Variants in DOCK3 observed in about 807,000 individuals in gnomAD.
DOCK3 encodes dedicator of cytokinesis 3.
Under a neutral mutation model 265.6 loss-of-function variants are expected in DOCK3, and 60 were observed. That is an observed-to-expected ratio of 0.23 (90% CI 0.18 to 0.28). The LOEUF is 0.28. DOCK3 is among the 10% of genes least tolerant of loss of function. The pLI is 1.00. For missense variants in DOCK3, 1,981 were observed against 2,594.3 expected, an observed-to-expected ratio of 0.76 and a Z score of 5.14; for synonymous variants, 881 against 938.0, an observed-to-expected ratio of 0.94 and a Z score of 1.11.
intron 9 of DOCK3, among the ~76,000 whole-genome samples, chr3:51,126,363 A>T (rs899210331): frequency 6.6e-6 from 1 of 152,196 alleles, no homozygotes; most frequent in Non-Finnish European, 1.5e-5. Flanking sequence ...CTTTTTTGGC[A>T]TCGGGGGCCA....
At chr3:51,312,625 G>A in intron 30 of DOCK3, 49 bp downstream of exon 30, 1 of 1,493,376 alleles carries the variant, frequency 6.7e-7, no homozygotes, top group African/African-American at 1.4e-5. Context: ...GCCAAATAGG[G>A]CTATGTTTCG....
chr3:50,970,939 ATATATAT>A (rs2077205106), intron 5 of DOCK3, among the ~76,000 whole-genome samples: 1 of 72,248 alleles, frequency 1.4e-5, no homozygotes, highest in African/African-American at 6.2e-5. Flanking sequence ...ATATATATAT[ATATATAT>A]AATGTGTGTG....
At chr3:51,275,289 C>G in intron 25 of DOCK3, 83 bp downstream of exon 25, 1 of 1,577,678 alleles carries the variant, frequency 6.3e-7, no homozygotes, top group Non-Finnish European at 8.6e-7. Flanking sequence ...CAACAAAGAT[C>G]GCTTTGTACA....
chr3:50,771,677 C>A (rs1368398074), intron 1 of DOCK3, among the ~76,000 whole-genome samples: 1 of 152,068 alleles, frequency 6.6e-6, no homozygotes, highest in Non-Finnish European at 1.5e-5. Context: ...TGGTGAAACA[C>A]CATCTCTACT....
At chr3:50,834,472 T>C (rs2045384902) in intron 2 of DOCK3, among the ~76,000 whole-genome samples, 1 of 152,134 alleles carries the variant, frequency 6.6e-6, no homozygotes, top group African/African-American at 2.4e-5. Flanking sequence ...CACATACCAA[T>C]AATATTTACA....
intron 32 of DOCK3, among the ~76,000 whole-genome samples, chr3:51,318,580 T>C (rs898710633): frequency 1.3e-5 from 2 of 152,180 alleles, no homozygotes. Flanking sequence ...CTGAATGATG[T>C]TGATTCCTTG....
At chr3:51,295,827 A>G (rs1295205632) in intron 27 of DOCK3, among the ~76,000 whole-genome samples, 1 of 152,128 alleles carries the variant, frequency 6.6e-6, no homozygotes, top group African/African-American at 2.4e-5. Context: ...AAGTGAAACT[A>G]TCTCTATTCA....
intron 4 of DOCK3, among the ~76,000 whole-genome samples, chr3:50,933,706 T>C (rs577356717): frequency 6.6e-6 from 1 of 152,260 alleles, no homozygotes; most frequent in African/African-American, 2.4e-5. Context: ...GGAAAAAAGC[T>C]TAGAGTCTGT....
intron 1 of DOCK3, among the ~76,000 whole-genome samples, chr3:50,750,620 G>T (rs913402279): frequency 6.6e-6 from 1 of 152,078 alleles, no homozygotes; most frequent in Non-Finnish European, 1.5e-5. Flanking sequence ...GAGCTACCGC[G>T]CCTGGCCTAC....
At chr3:51,055,962 A>G (rs1020167180) in intron 5 of DOCK3, among the ~76,000 whole-genome samples, 2 of 152,226 alleles carry the variant, frequency 1.3e-5, no homozygotes, top group African/African-American at 2.4e-5. Flanking sequence ...GGATGATATC[A>G]TGGCCCTTGA....
At chr3:50,960,504 A>G (rs1250701483) in intron 5 of DOCK3, among the ~76,000 whole-genome samples, 1 of 152,088 alleles carries the variant, frequency 6.6e-6, no homozygotes, top group African/African-American at 2.4e-5. Context: ...TTTCTTGGTG[A>G]AATGTCTACT....
intron 1 of DOCK3, among the ~76,000 whole-genome samples, chr3:50,749,954 C>T (rs1309350820): frequency 6.6e-6 from 1 of 152,182 alleles, no homozygotes; most frequent in East Asian, 1.9e-4. Context: ...CGCAGGGGCC[C>T]CCAACCCCTG....
intron 1 of DOCK3, among the ~76,000 whole-genome samples, chr3:50,697,855 A>G (rs1281949735): frequency 6.6e-6 from 1 of 151,956 alleles, no homozygotes. Context: ...TGTTGTGATA[A>G]TTGATTATAT....
chr3:51,195,266 T>C (rs2088211347), intron 12 of DOCK3, among the ~76,000 whole-genome samples: 1 of 152,232 alleles, frequency 6.6e-6, no homozygotes, highest in East Asian at 1.9e-4. Context: ...CTGTCATTTA[T>C]TAATTGTTTT....
chr3:50,971,000 ATT>A (rs71633052), intron 5 of DOCK3, among the ~76,000 whole-genome samples: 4 of 42,718 alleles, frequency 9.4e-5, no homozygotes, highest in Admixed American at 6.4e-4. Context: ...TTAATTTTTA[ATT>A]TTTTTTTTTT....
At chr3:51,020,026 C>T (rs1367277275) in intron 5 of DOCK3, among the ~76,000 whole-genome samples, 4 of 151,616 alleles carry the variant, frequency 2.6e-5, no homozygotes, top group Non-Finnish European at 5.9e-5. Flanking sequence ...AATGGTATTT[C>T]TGCCTCTGAG....
At chr3:51,338,463 G>T in intron 36 of DOCK3, 44 bp downstream of exon 36, 1 of 1,546,592 alleles carries the variant, frequency 6.5e-7, no homozygotes, top group Non-Finnish European at 8.8e-7. Flanking sequence ...TACTGAAATG[G>T]TTTCTGTCCT....
intron 3 of DOCK3, among the ~76,000 whole-genome samples, chr3:50,867,263 G>A (rs2047186952): frequency 6.6e-6 from 1 of 152,044 alleles, no homozygotes; most frequent in African/African-American, 2.4e-5. Context: ...ACTGATTTTT[G>A]TATGTTCATT....
chr3:50,947,073 C>G (rs1351863758), intron 5 of DOCK3, among the ~76,000 whole-genome samples: 7 of 152,088 alleles, frequency 4.6e-5, no homozygotes, highest in African/African-American at 7.2e-5. Flanking sequence ...TGAACTGACT[C>G]ATTAAATGAT....
Sources: gnomAD v4.1 joint callset for allele counts (sites outside exome capture counted in the v4.1 genomes callset) on GRCh38, gnomAD v4.1.1 for gene constraint, MANE v1.5 for transcripts, NCBI Gene and HGNC (gene_info 2026-07-23, HGNC 2026-07-21) for gene names.